PTK2: variants seen among roughly 807,000 people sequenced by gnomAD.
PTK2 encodes the protein focal adhesion kinase 1.
Under a neutral mutation model 150.1 loss-of-function variants are expected in PTK2, and 45 were observed. That is an observed-to-expected ratio of 0.30 (90% CI 0.24 to 0.38). The LOEUF (loss-of-function observed/expected upper bound fraction) is 0.38, where lower values mean the gene tolerates loss of function less well. Ranked by LOEUF, PTK2 falls within the 10% of genes least tolerant of loss-of-function variation. The pLI, the probability that PTK2 is intolerant of heterozygous loss-of-function variation, is 1.00. For synonymous variants in PTK2, 432 were observed against 449.2 expected (o/e 0.96, Z 0.48); for missense variants, 919 against 1,307.3 (o/e 0.70, Z 4.58).
intron 1 of PTK2, among the ~76,000 whole-genome samples, chr8:140,947,324 TACAA>T (rs1170524479): frequency 2.0e-5 from 3 of 152,342 alleles, no homozygotes; most frequent in African/African-American, 7.2e-5. Context: ...ATCATCATGC[TACAA>T]ACAATGTCTC....
chr8:140,816,040 G>A (rs879157238), intron 10 of PTK2, among the ~76,000 whole-genome samples: 5 of 152,104 alleles, frequency 3.3e-5, no homozygotes, highest in East Asian at 1.9e-4. Context: ...AATTGTATGT[G>A]GGGAAAGGTA....
rs151137052 is a variant in PTK2 at position 140,766,354 on chromosome 8, C to G, written c.1178-2064G>C. Among the ~76,000 whole-genome samples the G allele has an allele frequency of 2.0e-5, 3 of 152,280 alleles. No homozygotes were observed. In the East Asian group the frequency reaches 5.8e-4, roughly 29 times the overall value. ...CAGTGACCTCCAACTGAGGGCTTTACCATGCACCAAAGCTTATGCTGGCCT... is the reference window on the plus strand; with the variant it reads ...CAGTGACCTCCAACTGAGGGCTTTAGCATGCACCAAAGCTTATGCTGGCCT... On this transcript the variant is annotated intron_variant, in intron 14 of 31. Transcript: ENST00000522684.
At chr8:140,718,877 C>G (rs2100041215) in intron 22 of PTK2, 1 of 152,154 alleles carries the variant, frequency 6.6e-6, no homozygotes, top group Non-Finnish European at 1.5e-5. Context: ...ATGTCTGCCT[C>G]AAGAAATGAT....
chr8:140,947,548 C>T (rs1483519516), intron 1 of PTK2, among the ~76,000 whole-genome samples: 1 of 152,102 alleles, frequency 6.6e-6, no homozygotes, highest in Non-Finnish European at 1.5e-5. Flanking sequence ...CTAAAATCCT[C>T]AGTGGTTTCA....
chr8:140,811,936 C>T (rs963515133), intron 10 of PTK2, among the ~76,000 whole-genome samples: 1 of 152,182 alleles, frequency 6.6e-6, no homozygotes, highest in African/African-American at 2.4e-5. Flanking sequence ...AAATCTATGT[C>T]TCACTGGTGT....
chr8:140,756,322 CAAAAAAA>C (rs575587628), intron 16 of PTK2, among the ~76,000 whole-genome samples: 2 of 91,378 alleles, frequency 2.2e-5, no homozygotes, highest in African/African-American at 3.8e-5. Context: ...GGCTCCATCT[CAAAAAAA>C]AAAAAAAAGA....
intron 22 of PTK2, 64 bp downstream of exon 25, chr8:140,735,187 T>C (rs2100051863): frequency 1.4e-6 from 2 of 1,471,326 alleles, no homozygotes; most frequent in Non-Finnish European, 1.9e-6. Context: ...ATGCTATTAC[T>C]GCAAGGAGGA....
intron 1 of PTK2, among the ~76,000 whole-genome samples, chr8:140,930,119 T>C (rs1345733359): frequency 1.3e-5 from 2 of 152,188 alleles, no homozygotes; most frequent in East Asian, 1.9e-4. Context: ...GTTTGAGGCT[T>C]ATAATATGTT....
intron 7 of PTK2, among the ~76,000 whole-genome samples, chr8:140,845,320 T>A (rs1172222963): frequency 6.6e-6 from 1 of 152,124 alleles, no homozygotes; most frequent in East Asian, 1.9e-4. Context: ...CCTCTCTCCC[T>A]CATAAGAATG....
chr8:140,833,579 G>T (rs1261115990), intron 7 of PTK2, among the ~76,000 whole-genome samples: 6 of 152,134 alleles, frequency 3.9e-5, no homozygotes, highest in Non-Finnish European at 8.8e-5. Context: ...TTTGGGACTG[G>T]TTTACAATGT....
chr8:140,947,968 C>T (rs1375890359), intron 1 of PTK2, among the ~76,000 whole-genome samples: 1 of 152,122 alleles, frequency 6.6e-6, no homozygotes, highest in African/African-American at 2.4e-5. Context: ...TGTTAACAAC[C>T]TTACAGTAAA....
chr8:140,682,818 C>T (rs773324356), intron 27 of PTK2, among the ~76,000 whole-genome samples: 5 of 152,058 alleles, frequency 3.3e-5, no homozygotes, highest in Non-Finnish European at 7.4e-5. Context: ...TACAAAGATA[C>T]AACACACTAG....
chr8:140,660,570 C>G (rs755472056), intron 31 of PTK2: 1 of 452,790 alleles, frequency 2.2e-6, no homozygotes, highest in South Asian at 1.6e-5. Flanking sequence ...CAAAAAAATA[C>G]AAAAAGTTAG....
intron 22 of PTK2, among the ~76,000 whole-genome samples, chr8:140,721,482 A>G (rs1049792382): frequency 5.3e-5 from 8 of 152,218 alleles, no homozygotes; most frequent in African/African-American, 1.4e-4. Context: ...GTGGGAAGGT[A>G]TATCTTAACT....
intron 25 of PTK2, among the ~76,000 whole-genome samples, chr8:140,702,221 C>T (rs1207362875): frequency 6.2e-5 from 7 of 112,640 alleles, no homozygotes; most frequent in African/African-American, 2.2e-4. Context: ...TTATTTATTA[C>T]CTTTTTTTTT....
intron 2 of PTK2, chr8:140,909,520 C>G (rs1228979192): frequency 1.3e-5 from 2 of 152,178 alleles, no homozygotes; most frequent in African/African-American, 2.4e-5. Flanking sequence ...ATGGTGACAT[C>G]TGAACAAGAT....
chr8:140,771,967 T>A (rs892794138), intron 14 of PTK2, among the ~76,000 whole-genome samples: 1 of 150,838 alleles, frequency 6.6e-6, no homozygotes, highest in African/African-American at 2.5e-5. Context: ...TTTTTTTTTT[T>A]TAGTAGAGTC....
intron 3 of PTK2, among the ~76,000 whole-genome samples, chr8:140,885,905 T>C (rs966232553): frequency 1.3e-5 from 2 of 152,106 alleles, no homozygotes; most frequent in Admixed American, 6.6e-5. Context: ...GTGCTCTGGC[T>C]TTCATCTCTC....
rs548415940 is a variant in PTK2 at position 140,949,864 on chromosome 8, G to A, written c.-121-24115C>T. On this transcript the variant is annotated intron_variant, in intron 1 of 31. Transcript: ENST00000522684. ...GCCCGGGAGCCAGGCCACCAGTTAC[G>A]GGTGGAGTCTACAGCCTGGAGTGAG... Among the ~76,000 whole-genome samples, 22 of 152,286 alleles carry A rather than the reference G, an allele frequency of 1.4e-4. No individual in the cohort carries two copies. The Middle Eastern group carries it at 0.01, about 71-fold the overall frequency.
Sources: gnomAD v4.1 joint callset for allele counts (sites outside exome capture counted in the v4.1 genomes callset) on GRCh38, gnomAD v4.1.1 for gene constraint, MANE v1.5 for transcripts, NCBI Gene and HGNC (gene_info 2026-07-23, HGNC 2026-07-21) for gene names.